The following CD247 variants were observed in gnomAD, a reference collection of about 807,000 sequenced individuals.
CD247 encodes CD247 molecule.
In CD247, 13 loss-of-function variants were observed where a neutral mutation model predicts 30.0. The observed-to-expected ratio is 0.43, with a 90% CI of 0.28 to 0.69. The LOEUF (loss-of-function observed/expected upper bound fraction) is 0.69. CD247 is among the 30% of genes least tolerant of loss of function. CD247 has a pLI of 0.16. For synonymous variants in CD247, 72 were observed against 80.0 expected, an observed-to-expected ratio of 0.90 and a Z score of 0.53; for missense variants, 193 against 212.6, an observed-to-expected ratio of 0.91 and a Z score of 0.57.
intron 1 of CD247, among the ~76,000 whole-genome samples, chr1:167,443,952 G>A (rs116633631): frequency 5.9e-5 from 9 of 152,094 alleles, no homozygotes; most frequent in Non-Finnish European, 1.0e-4. Context: ...ATTCAGTTAC[G>A]CAATTAATTA....
intron 1 of CD247, among the ~76,000 whole-genome samples, chr1:167,474,999 G>T (rs982634701): frequency 6.6e-6 from 1 of 151,884 alleles, no homozygotes; most frequent in African/African-American, 2.4e-5. Flanking sequence ...TGATCCACCC[G>T]CCTCAGCCTC....
In CD247 at chr1:167,469,175, G is replaced by A. The variant is rs143571593; in HGVS notation, c.59-28408C>T. On this transcript the variant is annotated intron_variant, in intron 1 of 7. Transcript: ENST00000362089. ...TTTTTGTATTTTTAGTAGAGACAGG[G>A]TTTCACCATGTTGGCCAGGCTGGTC... Among the ~76,000 whole-genome samples, 621 of 152,234 alleles carry A rather than the reference G, an allele frequency of 4.1e-3. 4 individuals are homozygous for A. Among genetic ancestry groups the A allele is most frequent in the African/African-American group, 0.014 (589 of 41,518 alleles).
In CD247 at chr1:167,466,422, T is replaced by A. The variant is rs193216274; in HGVS notation, c.59-25655A>T. Among the ~76,000 whole-genome samples the A allele has an allele frequency of 3.7e-3, 562 of 152,294 alleles. 5 individuals are homozygous for A. The highest frequency in any genetic ancestry group is 0.012 in the African/African-American group (516 of 41,546). On this transcript the variant is annotated intron_variant, in intron 1 of 7. Transcript: ENST00000362089. The stretch of plus-strand genomic sequence containing the variant: ...CTGTACCACATTCGTCTTTTTTTTT[T>A]TAAATATTAGAATTTAGAACTAATG...
intron 1 of CD247, among the ~76,000 whole-genome samples, chr1:167,483,169 C>T (rs546824518): frequency 2.0e-5 from 3 of 152,022 alleles, no homozygotes; most frequent in Admixed American, 6.6e-5. Flanking sequence ...CCACCATGCC[C>T]GGCTAATTTT....
At chr1:167,489,545 T>G (rs1654353832) in intron 1 of CD247, among the ~76,000 whole-genome samples, 1 of 152,186 alleles carries the variant, frequency 6.6e-6, no homozygotes, top group Non-Finnish European at 1.5e-5. Flanking sequence ...GTTGTTCACC[T>G]AGAGGCTGTT....
At chr1:167,441,286 C>T (rs1284528231) in intron 1 of CD247, among the ~76,000 whole-genome samples, 1 of 152,176 alleles carries the variant, frequency 6.6e-6, no homozygotes, top group Non-Finnish European at 1.5e-5. Flanking sequence ...TTAACTCTCC[C>T]CCAACTCCCT....
chr1:167,459,635 G>C (rs1381904317), intron 1 of CD247: 1 of 152,188 alleles, frequency 6.6e-6, no homozygotes, highest in Non-Finnish European at 1.5e-5. Flanking sequence ...TTATAGGCTT[G>C]AGCCACTGTG....
rs1371213905 is a variant in CD247, at chr1:167,494,703, A to G, written c.58+23705T>C. 6.6e-6 allele frequency among the ~76,000 whole-genome samples: 1 copy of G among 152,214 alleles called. No homozygotes were observed. Among genetic ancestry groups the G allele is most frequent in the Non-Finnish European group, 1.5e-5 (1 of 68,044 alleles). On this transcript the variant is annotated intron_variant, in intron 1 of 7. Coordinates refer to ENST00000362089, the MANE Select transcript of CD247 (RefSeq NM_198053.3). This position sits in a 1 kb window ranked among gnomAD's most constrained non-coding sequence, Gnocchi z 7.3. ...GATCAAAAAAGATCATGAGTAGTGC[A>G]TTCCTCGGCATTTTGTATCTCCTAT...
At chr1:167,432,556 A>C (rs1186481727) in intron 7 of CD247, among the ~76,000 whole-genome samples, 1 of 152,216 alleles carries the variant, frequency 6.6e-6, no homozygotes, top group Admixed American at 6.5e-5. Flanking sequence ...GATTTGCAAA[A>C]ACCAGGCACC....
At chr1:167,487,861 G>A (rs1313237159) in intron 1 of CD247, among the ~76,000 whole-genome samples, 2 of 152,202 alleles carry the variant, frequency 1.3e-5, no homozygotes, top group Non-Finnish European at 2.9e-5. Flanking sequence ...CTCCTGAGTA[G>A]CTGGGATTAC....
Position 167,470,634 on chromosome 1 carries a change from T to G in CD247, c.59-29867A>C, listed in dbSNP as rs192562773. On this transcript the variant is annotated intron_variant, in intron 1 of 7. Coordinates refer to ENST00000362089, the MANE Select transcript of CD247 (RefSeq NM_198053.3). ...TTTTGCTATATTTTCTTCTAATGTT[T>G]TTTTCTACTGCTTTCCTTTTTTTCA... is the stretch of plus-strand genomic sequence containing the variant. 9.1e-4 allele frequency among the ~76,000 whole-genome samples: 139 copies of G among 152,034 alleles called. No individual in the cohort carries two copies. In the Middle Eastern group the frequency reaches 0.01, roughly 11 times the overall value.
intron 1 of CD247, among the ~76,000 whole-genome samples, chr1:167,449,015 A>C (rs1652220599): frequency 1.3e-5 from 2 of 152,202 alleles, no homozygotes; most frequent in Non-Finnish European, 2.9e-5. Context: ...TAAGGGTTCC[A>C]AGGGAAGAGG....
chr1:167,455,717 C>T (rs981440451), intron 1 of CD247, among the ~76,000 whole-genome samples: 1 of 152,232 alleles, frequency 6.6e-6, no homozygotes, highest in African/African-American at 2.4e-5. Context: ...CGCCCCCAGG[C>T]CCCCGCGCTG....
At chr1:167,443,710 A>T (rs9662048) in intron 1 of CD247, among the ~76,000 whole-genome samples, 61,438 of 152,024 alleles carry the variant, frequency 0.4, 13,752 homozygotes, top group East Asian at 0.54. Flanking sequence ...AATATGAACA[A>T]GTTTCCTTCC....
intron 1 of CD247, among the ~76,000 whole-genome samples, chr1:167,469,567 A>G (rs112675382): frequency 0.014 from 2,111 of 152,068 alleles, 26 homozygotes; most frequent in South Asian, 0.026. Context: ...TTAATCTGAC[A>G]TTTTCTGTTT....
intron 1 of CD247, among the ~76,000 whole-genome samples, chr1:167,441,509 C>T (rs932974433): frequency 3.3e-5 from 5 of 152,178 alleles, no homozygotes; most frequent in Admixed American, 6.5e-5. Context: ...CACCCCATTC[C>T]CAGGACACGC....
intron 1 of CD247, among the ~76,000 whole-genome samples, chr1:167,442,714 C>G (rs1651896896): frequency 6.6e-6 from 1 of 152,104 alleles, no homozygotes; most frequent in Non-Finnish European, 1.5e-5. Flanking sequence ...AAGGCAGCCG[C>G]CAGTGTCCCC....
At chr1:167,456,788 G>A (rs1307199046) in intron 1 of CD247, among the ~76,000 whole-genome samples, 1 of 152,182 alleles carries the variant, frequency 6.6e-6, no homozygotes, top group East Asian at 1.9e-4. Context: ...AACCCAACAG[G>A]GACTACTGGT....
At chr1:167,499,260 A>G (rs1343314156) in intron 1 of CD247, among the ~76,000 whole-genome samples, 2 of 152,224 alleles carry the variant, frequency 1.3e-5, no homozygotes, top group African/African-American at 4.8e-5. Flanking sequence ...TACAATGCAC[A>G]GAACAGCCTC....
Sources: allele counts gnomAD v4.1 joint callset (sites outside exome capture counted in the v4.1 genomes callset), GRCh38; gene constraint gnomAD v4.1.1; non-coding constraint Gnocchi (gnomAD v3.1); transcripts MANE v1.5; gene names NCBI Gene and HGNC (gene_info 2026-07-23, HGNC 2026-07-21).